CELSR1: variants seen among roughly 807,000 people sequenced by gnomAD.
CELSR1 encodes cadherin EGF LAG seven-pass G-type receptor 1.
In CELSR1, 110 loss-of-function variants were observed where a neutral mutation model predicts 249.1. That is an observed-to-expected ratio of 0.44 (90% CI 0.38 to 0.52). The LOEUF (loss-of-function observed/expected upper bound fraction) is 0.52. Among genes scored for constraint, CELSR1 ranks in the 20% least tolerant of loss-of-function variants. The pLI is 0.00. For synonymous variants in CELSR1, 2,113 were observed against 1,900.0 expected, an observed-to-expected ratio of 1.11 and a Z score of -2.92; for missense variants, 4,109 against 4,296.4, an observed-to-expected ratio of 0.96 and a Z score of 1.22.
At position 46,534,106 on chromosome 22, in the gene CELSR1, C is replaced by A. The variant is rs746222824; in HGVS notation, c.3065G>T (p.Arg1022Leu). 6.2e-7 allele frequency: 1 copy of A among 1,613,708 alleles called. No homozygotes were observed. Among genetic ancestry groups the A allele is most frequent in the East Asian group, 2.2e-5 (1 of 44,882 alleles). The change falls in exon 1 of 35, where the codon CGT (arginine) becomes CTT (leucine). Residue 1022 changes from arginine (R) to leucine (L), a missense_variant. Physicochemically the swap from Arg to Leu is moderately radical, Grantham distance 102 (BLOSUM62 -2). Around this residue, in one of 7 missense-constraint regions of CELSR1, gnomAD observed 886 missense variants for 896.5 expected, o/e 0.99. Coordinates refer to ENST00000674500, the MANE Select transcript of CELSR1 (RefSeq NM_001378328.1). This position sits in a 1 kb window ranked among gnomAD's most constrained non-coding sequence, Gnocchi z 9.7. ...AGGGCCTTCATCAGGGTCGTTAGCA[C>A]GAATCTTTGCCACCACCGACCCCAC... is the stretch of plus-strand genomic sequence containing the variant. ...NPVGSVVAKI[R>L]ANDPDEGPNA...
intron 1 of CELSR1, among the ~76,000 whole-genome samples, chr22:46,531,934 A>G (rs1014397846): frequency 7.2e-6 from 1 of 138,764 alleles, no homozygotes; most frequent in African/African-American, 2.7e-5. Flanking sequence ...AAAGGAGCAG[A>G]GCCAATAACT....
rs1008943150 is a variant in CELSR1, at chr22:46,381,405, T to C, written c.7088+441A>G. ...TGGCAGGAAGAAGGAGGGCGGAGCC[T>C]TGGGCTGCTCCCACCGAGCAGGTTG... is the stretch of plus-strand genomic sequence containing the variant. On this transcript the variant is annotated intron_variant, in intron 21 of 34. Coordinates refer to ENST00000674500, the MANE Select transcript of CELSR1 (RefSeq NM_001378328.1). The surrounding 1 kb of genome is among the most constrained non-coding windows in gnomAD (Gnocchi z 6.0). Among the ~76,000 whole-genome samples, 3 of 152,062 alleles carry C rather than the reference T, an allele frequency of 2.0e-5. No individual in the cohort carries two copies. Among genetic ancestry groups the C allele is most frequent in the African/African-American group, 7.2e-5 (3 of 41,398 alleles).
intron 1 of CELSR1, among the ~76,000 whole-genome samples, chr22:46,489,194 G>A (rs1413867389): frequency 6.6e-6 from 1 of 151,846 alleles, no homozygotes; most frequent in Non-Finnish European, 1.5e-5. Flanking sequence ...GTAATGATAA[G>A]CCAACAAACT....
At position 46,389,441 on chromosome 22, in the gene CELSR1, A is replaced by G; in HGVS notation, c.6404T>C (p.Val2135Ala). Residue 2135 changes from valine (V) to alanine (A), a missense_variant, in exon 18 of 35, where the codon GTG becomes GCG. Physicochemically the swap from Val to Ala is moderately conservative, Grantham distance 64. Coordinates refer to ENST00000674500, the MANE Select transcript of CELSR1 (RefSeq NM_001378328.1). ...QVDGARALQLVRALRSATQHT... is the reference protein window; with the variant it reads ...QVDGARALQLARALRSATQHT... Reference sequence around the variant, plus strand: ...CTGTGTAGCACTGCGCAGCGCCCTCACCAGCTGCAGGGCCCTGGCGCCGTC... The same window carrying G: ...CTGTGTAGCACTGCGCAGCGCCCTCGCCAGCTGCAGGGCCCTGGCGCCGTC... 1 of 1,612,950 alleles carries G rather than the reference A, an allele frequency of 6.2e-7. No homozygotes were observed. Among genetic ancestry groups the G allele is most frequent in the Non-Finnish European group, 8.5e-7 (1 of 1,179,992 alleles).
intron 5 of CELSR1, among the ~76,000 whole-genome samples, chr22:46,414,752 T>C (rs952989437): frequency 6.6e-6 from 1 of 152,114 alleles, no homozygotes; most frequent in African/African-American, 2.4e-5. Flanking sequence ...AACGCAGAAC[T>C]ACTACATGAC....
intron 1 of CELSR1, among the ~76,000 whole-genome samples, chr22:46,531,640 G>A (rs549464128): frequency 3.3e-5 from 5 of 152,302 alleles, no homozygotes; most frequent in South Asian, 2.1e-4. Context: ...GTTTAACGCC[G>A]AGTGCCCCCC....
chr22:46,536,999 G>A lies in CELSR1; in HGVS notation c.172C>T (p.Pro58Ser), dbSNP rs770751887. Residue 58 changes from proline to serine, a missense_variant, in exon 1 of 35, where the codon CCC becomes TCC. This residue lies in a region of CELSR1 where 673 missense variants were observed against 636.8 expected (regional missense o/e 1.06). Coordinates refer to ENST00000674500, the MANE Select transcript of CELSR1 (RefSeq NM_001378328.1). The part of the protein sequence containing the change: ...CTYAVGAACT[P>S]RAPRELLDVG... ...TCCAGCAGCTCCCGCGGCGCCCGGG[G>A]CGTGCAAGCGGCGCCCACCGCGTAG... 7.5e-5 allele frequency: 84 copies of A among 1,114,398 alleles called. No homozygotes were observed. Among genetic ancestry groups the A allele is most frequent in the South Asian group, 3.1e-4 (8 of 26,074 alleles). The allele number at this position is 1,114,398 out of a possible 1,614,324, so 69.0% of individuals were successfully genotyped here.
intron 32 of CELSR1, 77 bp downstream of exon 32, chr22:46,365,154 G>T: frequency 6.6e-7 from 1 of 1,521,352 alleles, no homozygotes; most frequent in Non-Finnish European, 8.8e-7. Context: ...GGGAGGAAGG[G>T]ACCCAGCCAT....
At chr22:46,386,131 G>A (rs971237157) in intron 19 of CELSR1, among the ~76,000 whole-genome samples, 4 of 151,938 alleles carry the variant, frequency 2.6e-5, no homozygotes, top group Non-Finnish European at 4.4e-5. Context: ...CACCACACCT[G>A]GCTACTTTTT....
chr22:46,407,282 CACAT>C lies in CELSR1; in HGVS notation c.5226+1710_5226+1713del, dbSNP rs2079277154. Among the ~76,000 whole-genome samples the C allele has an allele frequency of 1.3e-5, 2 of 152,304 alleles. No homozygotes were observed. Among genetic ancestry groups the C allele is most frequent in the African/African-American group, 2.4e-5 (1 of 41,572 alleles). ...ACAAATGTGCACGCATGGAGAGATG[CACAT>C]ACACAGACTGACATGCACACACACT... On this transcript the variant is annotated intron_variant, in intron 9 of 34. Coordinates refer to ENST00000674500, the MANE Select transcript of CELSR1 (RefSeq NM_001378328.1). The surrounding 1 kb of genome is among the most constrained non-coding windows in gnomAD (Gnocchi z 4.8).
intron 28 of CELSR1, 145 bp from the exon 29 acceptor site, chr22:46,367,263 C>T: frequency 1.7e-6 from 2 of 1,163,514 alleles, no homozygotes; most frequent in Non-Finnish European, 2.3e-6. Flanking sequence ...GCCTCCCCTC[C>T]TCAGGGACTG....
At chr22:46,383,215 C>T (rs1302732015) in intron 20 of CELSR1, among the ~76,000 whole-genome samples, 2 of 151,162 alleles carry the variant, frequency 1.3e-5, no homozygotes, top group African/African-American at 2.5e-5. Flanking sequence ...TCAGAGTCAC[C>T]CCTCTTTTTA....
intron 1 of CELSR1, among the ~76,000 whole-genome samples, chr22:46,508,287 C>T (rs890514660): frequency 6.6e-6 from 1 of 151,264 alleles, no homozygotes; most frequent in East Asian, 1.9e-4. Context: ...CGTCCACACA[C>T]CCAGCAGGTG....
chr22:46,503,196 G>A (rs2080482932), intron 1 of CELSR1, among the ~76,000 whole-genome samples: 1 of 152,198 alleles, frequency 6.6e-6, no homozygotes, highest in South Asian at 2.1e-4. Context: ...AGCAGACTTG[G>A]AGCCCTTGGA....
chr22:46,398,425 A>G lies in CELSR1; in HGVS notation c.5526+99T>C. ...TCAGACAAATTCTTCACTCGTTGAA[A>G]GCTAACAGGTTGACCAACGGAACCA... On this transcript the variant is annotated intron_variant, in intron 11 of 34. Coordinates refer to ENST00000674500, the MANE Select transcript of CELSR1 (RefSeq NM_001378328.1). The surrounding 1 kb of genome is among the most constrained non-coding windows in gnomAD (Gnocchi z 7.2). 2.7e-6 allele frequency: 2 copies of G among 752,058 alleles called. No individual in the cohort carries two copies. Among genetic ancestry groups the G allele is most frequent in the Non-Finnish European group, 4.3e-6 (2 of 463,552 alleles). 46.6% of individuals were successfully genotyped at this position (752,058 alleles called of 1,614,324 possible).
In CELSR1 at chr22:46,536,231, C is replaced by T; in HGVS notation, c.940G>A (p.Glu314Lys). 6.2e-7 allele frequency: 1 copy of T among 1,612,548 alleles called. No individual in the cohort carries two copies. Among genetic ancestry groups the T allele is most frequent in the Non-Finnish European group, 8.5e-7 (1 of 1,179,972 alleles). The change falls in exon 1 of 35, where the codon GAG becomes AAG. Residue 314 changes from glutamate (E) to lysine (K), a missense_variant. Transcript: ENST00000674500. The stretch of plus-strand genomic sequence containing the variant: ...CTGAGGACGTGCGTCTCCTTGGTCT[C>T]GCGGTCCAGTACGCTGTCCGTGCTC... ...AVSTDSVLDR[E>K]TKETHVLRVK...
In CELSR1 at chr22:46,363,727, T is replaced by G; in HGVS notation, c.9035+269A>C. 1 of 521,020 alleles carries G rather than the reference T, an allele frequency of 1.9e-6. No homozygotes were observed. 32.3% of individuals were successfully genotyped at this position (521,020 alleles called of 1,614,324 possible). A position where few individuals can be genotyped will look rare whatever the true frequency, so the allele number is the denominator to read the frequency against. ...TGATCAAACGCAGAGCCCAGCACCTTAGGTCCTAGCATTTTGGGGCTGGCC... is the reference window on the plus strand; with the variant it reads ...TGATCAAACGCAGAGCCCAGCACCTGAGGTCCTAGCATTTTGGGGCTGGCC... On this transcript the variant is annotated intron_variant, in intron 34 of 34. Coordinates refer to ENST00000674500, the MANE Select transcript of CELSR1 (RefSeq NM_001378328.1). The surrounding 1 kb of genome is among the most constrained non-coding windows in gnomAD (Gnocchi z 4.3).
At position 46,446,451 on chromosome 22, in the gene CELSR1, T is replaced by C. The variant is rs2079821735; in HGVS notation, c.4184-7040A>G. Among the ~76,000 whole-genome samples, 1 of 152,172 alleles carries C rather than the reference T, an allele frequency of 6.6e-6. No individual in the cohort carries two copies. Among genetic ancestry groups the C allele is most frequent in the African/African-American group, 2.4e-5 (1 of 41,438 alleles). ...TCCACATCCAGCCCTGCTTGTGCGA[T>C]GGTTCCCCCGTGTGTTTCTCTCCCC... On this transcript the variant is annotated intron_variant, in intron 2 of 34. Transcript: ENST00000674500. This position sits in a 1 kb window ranked among gnomAD's most constrained non-coding sequence, Gnocchi z 5.5.
rs966464708 is a variant in CELSR1 at position 46,471,106 on chromosome 22, C to T, written c.3545-6761G>A. 6.6e-6 allele frequency among the ~76,000 whole-genome samples: 1 copy of T among 152,022 alleles called. No homozygotes were observed. Among genetic ancestry groups the T allele is most frequent in the African/African-American group, 2.4e-5 (1 of 41,390 alleles). On this transcript the variant is annotated intron_variant, in intron 1 of 34. Coordinates refer to ENST00000674500, the MANE Select transcript of CELSR1 (RefSeq NM_001378328.1). This position sits in a 1 kb window ranked among gnomAD's most constrained non-coding sequence, Gnocchi z 4.9. ...CACCACTGCACTCCAGCCTGGGCGACAGAGTGAGACTCCACCTCAAAAAAA... is the reference window on the plus strand; with the variant it reads ...CACCACTGCACTCCAGCCTGGGCGATAGAGTGAGACTCCACCTCAAAAAAA...
Sources: gnomAD v4.1 joint callset for allele counts (sites outside exome capture counted in the v4.1 genomes callset) on GRCh38, gnomAD v4.1.1 for gene constraint, gnomAD v4.1.1 regional missense constraint, Gnocchi (gnomAD v3.1) non-coding constraint, MANE v1.5 for transcripts, NCBI Gene and HGNC (gene_info 2026-07-23, HGNC 2026-07-21) for gene names.